Variants in PCDHA2 observed in about 807,000 individuals in gnomAD.
The protein encoded by PCDHA2 is protocadherin alpha-2.
A neutral mutation model predicts 66.0 loss-of-function variants in PCDHA2; 58 were observed. The ratio of observed to expected loss-of-function variants is 0.88; its 90% confidence interval spans 0.71 to 1.09. The LOEUF is 1.09. PCDHA2 is among the 50% of genes least tolerant of loss of function. The pLI is 0.00. For synonymous variants in PCDHA2, 634 were observed against 554.0 expected, an observed-to-expected ratio of 1.14 and a Z score of -2.03; for missense variants, 1,267 against 1,242.3, an observed-to-expected ratio of 1.02 and a Z score of -0.30.
At chr5:140,830,022 G>C in intron 1 of PCDHA2, 1 of 1,613,860 alleles carries the variant, frequency 6.2e-7, no homozygotes, top group Non-Finnish European at 8.5e-7. Flanking sequence ...GACTCTCCGC[G>C]CCACCGGCTG....
chr5:140,809,005 G>A, intron 1 of PCDHA2: 1 of 1,613,694 alleles, frequency 6.2e-7, no homozygotes, highest in Non-Finnish European at 8.5e-7. Flanking sequence ...ACAACGCGTG[G>A]CTTTCGTACG....
At chr5:140,937,064 G>A (rs2091301496) in intron 1 of PCDHA2, among the ~76,000 whole-genome samples, 1 of 143,854 alleles carries the variant, frequency 7.0e-6, no homozygotes, top group Admixed American at 7.1e-5. Context: ...TTGAGACGGA[G>A]TCTCGCTCTG....
chr5:140,921,377 T>C (rs1368330420), intron 1 of PCDHA2, among the ~76,000 whole-genome samples: 2 of 152,172 alleles, frequency 1.3e-5, no homozygotes, highest in Non-Finnish European at 2.9e-5. Flanking sequence ...TATTTCTACA[T>C]ATTTGATAAA....
At chr5:140,823,685 A>G in intron 1 of PCDHA2, 1 of 1,613,946 alleles carries the variant, frequency 6.2e-7, no homozygotes, top group Non-Finnish European at 8.5e-7. Context: ...CGCTCTCTGG[A>G]TGAGACCGAA....
intron 1 of PCDHA2, chr5:140,869,028 G>C: frequency 1.3e-6 from 2 of 1,526,584 alleles, no homozygotes; most frequent in Non-Finnish European, 1.8e-6. Flanking sequence ...AATTCAACGA[G>C]ATTTTTAACC....
intron 1 of PCDHA2, chr5:140,868,902 T>G (rs2050730920): frequency 1.2e-6 from 1 of 837,896 alleles, no homozygotes; most frequent in African/African-American, 1.7e-5. Context: ...AAGGTGTCGC[T>G]CTTTACTTGG....
At chr5:140,981,725 A>T (rs1554243280) in intron 2 of PCDHA2, among the ~76,000 whole-genome samples, 1 of 151,396 alleles carries the variant, frequency 6.6e-6, no homozygotes, top group Non-Finnish European at 1.5e-5. Context: ...TCCAACAAAT[A>T]TTTGAGAGAT....
chr5:140,880,407 C>T (rs1198132829), intron 1 of PCDHA2, among the ~76,000 whole-genome samples: 1 of 152,128 alleles, frequency 6.6e-6, no homozygotes, highest in Non-Finnish European at 1.5e-5. Context: ...ATATGGTTGA[C>T]CTTAAAAGCG....
rs182574783 is a variant in PCDHA2, at chr5:140,952,922, G to A, written c.2389-26027G>A. Among the ~76,000 whole-genome samples the A allele has an allele frequency of 2.3e-3, 351 of 152,216 alleles. 2 individuals carry two copies. Among genetic ancestry groups the A allele is most frequent in the Admixed American group, 5.6e-3 (85 of 15,264 alleles). Reference sequence around the variant, plus strand: ...ATCAAGCTCATCTTACATGGCATGAGCAGGAGCAGGAGCAAGAGAGAGAGA... The same window carrying A: ...ATCAAGCTCATCTTACATGGCATGAACAGGAGCAGGAGCAAGAGAGAGAGA... On this transcript the variant is annotated intron_variant, in intron 1 of 3. Transcript: ENST00000526136.
At chr5:140,966,736 T>A in intron 1 of PCDHA2, 1 of 1,418,140 alleles carries the variant, frequency 7.1e-7, no homozygotes, top group Non-Finnish European at 9.2e-7. Context: ...CCTCCGGCCC[T>A]GCCCGGCTGC....
rs2150261157 is a variant in PCDHA2, at chr5:140,836,447, C to T, written c.2388+39095C>T. On this transcript the variant is annotated intron_variant, in intron 1 of 3. Transcript: ENST00000526136. ...CGCGGGCATCGTTGGGCATTGCAGG[C>T]CCAGAGACCGAGCTGGTGGATGTCA... is the stretch of plus-strand genomic sequence containing the variant. 26 of 1,613,828 alleles carry T rather than the reference C, an allele frequency of 1.6e-5. No individual in the cohort carries two copies. In the African/African-American group the frequency reaches 3.1e-4, roughly 19 times the overall value.
chr5:140,902,783 G>A (rs1013396334), intron 1 of PCDHA2, among the ~76,000 whole-genome samples: 19 of 151,054 alleles, frequency 1.3e-4, no homozygotes, highest in Admixed American at 9.2e-4. Flanking sequence ...TCATAGCTTA[G>A]CTCTCACTTG....
At chr5:140,915,995 C>T (rs1256886751) in intron 1 of PCDHA2, among the ~76,000 whole-genome samples, 4 of 152,180 alleles carry the variant, frequency 2.6e-5, no homozygotes, top group African/African-American at 4.8e-5. Context: ...TAAGCTGGCA[C>T]TCAAACCACA....
chr5:140,802,135 G>GT, intron 1 of PCDHA2: 1 of 1,614,198 alleles, frequency 6.2e-7, no homozygotes, highest in African/African-American at 1.3e-5. Context: ...TTCGAGGAAA[G>GT]TAAGTCATAT....
chr5:140,816,719 C>A (rs1162364587), intron 1 of PCDHA2: 1 of 151,968 alleles, frequency 6.6e-6, no homozygotes. Flanking sequence ...ATTCTAGGGA[C>A]CTCTCAAACC....
intron 1 of PCDHA2, chr5:140,812,166 G>A (rs1053097771): frequency 1.7e-5 from 1 of 59,462 alleles, no homozygotes; most frequent in African/African-American, 9.4e-5. Flanking sequence ...GTTGTTGTTA[G>A]GAGGTTTGGA....
At chr5:140,948,727 T>C (rs2094298087) in intron 1 of PCDHA2, among the ~76,000 whole-genome samples, 2 of 151,670 alleles carry the variant, frequency 1.3e-5, no homozygotes, top group Admixed American at 1.3e-4. Flanking sequence ...TATCAATAAG[T>C]CTAGCTGAGA....
At chr5:140,984,730 T>C (rs956611464) in intron 3 of PCDHA2, among the ~76,000 whole-genome samples, 4 of 152,186 alleles carry the variant, frequency 2.6e-5, no homozygotes, top group Non-Finnish European at 4.4e-5. Context: ...ATTAAGATTA[T>C]GATTTAGAGT....
At chr5:140,840,691 C>G (rs2150308754) in intron 1 of PCDHA2, among the ~76,000 whole-genome samples, 2 of 151,924 alleles carry the variant, frequency 1.3e-5, no homozygotes, top group Non-Finnish European at 2.9e-5. Context: ...GTAAATAAAA[C>G]GGTTCAGGCA....
Sources: gnomAD v4.1 joint callset for allele counts (sites outside exome capture counted in the v4.1 genomes callset) on GRCh38, gnomAD v4.1.1 for gene constraint, MANE v1.5 for transcripts, NCBI Gene and HGNC (gene_info 2026-07-23, HGNC 2026-07-21) for gene names.